The following HNF4G variants were observed in gnomAD, a reference collection of about 807,000 sequenced individuals.
HNF4G encodes hepatocyte nuclear factor 4 gamma, also known as hepatocyte nuclear factor 4-gamma.
In HNF4G, 21 loss-of-function variants were observed where a neutral mutation model predicts 50.9. The ratio of observed to expected loss-of-function variants is 0.41; its 90% CI spans 0.29 to 0.59. The LOEUF (loss-of-function observed/expected upper bound fraction) is 0.59. Ranked by LOEUF, HNF4G falls within the 20% of genes least tolerant of loss-of-function variation. The probability of loss-of-function intolerance (pLI) is 0.26; values close to 1 mark genes in which losing one functional copy is unlikely to be tolerated. For synonymous variants in HNF4G, 198 were observed against 185.6 expected, an observed-to-expected ratio of 1.07 and a Z score of -0.54; for missense variants, 527 against 559.4, an observed-to-expected ratio of 0.94 and a Z score of 0.58.
chr8:75,451,396 C>CA (rs548627344), intron 1 of HNF4G, among the ~76,000 whole-genome samples: 344 of 146,336 alleles, frequency 2.4e-3, no homozygotes, highest in Middle Eastern at 7.1e-3. Context: ...TAGCCATATC[C>CA]AAAAAAAAAA....
intron 1 of HNF4G, among the ~76,000 whole-genome samples, chr8:75,411,946 C>A (rs1388069517): frequency 1.3e-5 from 2 of 152,064 alleles, no homozygotes; most frequent in African/African-American, 2.4e-5. Context: ...ACATTGAGTA[C>A]CAGGTATGTG....
chr8:75,465,028 C>G (rs1245629120), intron 1 of HNF4G, among the ~76,000 whole-genome samples: 1 of 152,132 alleles, frequency 6.6e-6, no homozygotes, highest in Non-Finnish European at 1.5e-5. Context: ...CCTACATTTC[C>G]TAAGGCATCC....
intron 2 of HNF4G, among the ~76,000 whole-genome samples, chr8:75,520,625 A>G (rs1174761601): frequency 6.6e-6 from 1 of 151,832 alleles, no homozygotes; most frequent in African/African-American, 2.4e-5. Context: ...TTTTGTAGAG[A>G]CAGGGTTTTG....
intron 2 of HNF4G, among the ~76,000 whole-genome samples, chr8:75,515,170 T>G (rs866376433): frequency 6.6e-6 from 1 of 152,348 alleles, no homozygotes; most frequent in East Asian, 1.9e-4. Flanking sequence ...TAACACCTGA[T>G]TGATATTCTC....
At chr8:75,542,285 A>G (rs1806644171) in intron 1 of HNF4G, among the ~76,000 whole-genome samples, 1 of 149,702 alleles carries the variant, frequency 6.7e-6, no homozygotes, top group African/African-American at 2.5e-5. Flanking sequence ...AGCCTGGGTG[A>G]CAAAGCAAGT....
chr8:75,556,453 A>G (rs1366375955), intron 6 of HNF4G, among the ~76,000 whole-genome samples: 2 of 152,168 alleles, frequency 1.3e-5, no homozygotes, highest in Non-Finnish European at 2.9e-5. Flanking sequence ...TTAAAAAAAC[A>G]TGTTTACGTC....
chr8:75,466,005 A>G (rs948764816), intron 1 of HNF4G, among the ~76,000 whole-genome samples: 3 of 152,180 alleles, frequency 2.0e-5, no homozygotes, highest in Admixed American at 1.3e-4. Flanking sequence ...GTAAATATGT[A>G]TGAAAATTAG....
intron 1 of HNF4G, among the ~76,000 whole-genome samples, chr8:75,458,493 C>A (rs1296885128): frequency 6.7e-6 from 1 of 150,142 alleles, no homozygotes; most frequent in East Asian, 2.0e-4. Flanking sequence ...ATACAGGGGT[C>A]AAATTTTCAT....
intron 1 of HNF4G, among the ~76,000 whole-genome samples, chr8:75,427,147 C>A (rs913847368): frequency 6.6e-6 from 1 of 152,134 alleles, no homozygotes; most frequent in African/African-American, 2.4e-5. Context: ...TGGTTATTTG[C>A]AGGTATTCTT....
At chr8:75,428,035 A>G (rs544760636) in intron 1 of HNF4G, among the ~76,000 whole-genome samples, 1 of 152,320 alleles carries the variant, frequency 6.6e-6, no homozygotes, top group South Asian at 2.1e-4. Flanking sequence ...TGCATAAAAC[A>G]TTGCTTTATA....
intron 6 of HNF4G, 82 bp downstream of exon 6, chr8:75,556,151 C>T (rs540261504): frequency 3.2e-6 from 2 of 619,080 alleles, no homozygotes; most frequent in South Asian, 3.5e-5. Context: ...TCTGTATGTA[C>T]CAAGTATTTA....
At chr8:75,482,264 C>T (rs1016142030) in intron 1 of HNF4G, among the ~76,000 whole-genome samples, 1 of 152,096 alleles carries the variant, frequency 6.6e-6, no homozygotes, top group African/African-American at 2.4e-5. Flanking sequence ...TTAAAAATCT[C>T]ATCTGGAAAT....
chr8:75,500,238 G>A (rs1439022079), intron 2 of HNF4G, among the ~76,000 whole-genome samples: 1 of 152,030 alleles, frequency 6.6e-6, no homozygotes, highest in Non-Finnish European at 1.5e-5. Flanking sequence ...CTTTAAAGAC[G>A]ATATATAAAC....
At chr8:75,527,493 A>G (rs1177036238) in intron 2 of HNF4G, among the ~76,000 whole-genome samples, 1 of 152,196 alleles carries the variant, frequency 6.6e-6, no homozygotes, top group Non-Finnish European at 1.5e-5. Context: ...AAAAATGATT[A>G]CCATGGATAA....
At position 75,456,263 on chromosome 8, in the gene HNF4G, G is replaced by T. The variant is rs569264308; in HGVS notation, c.-143-33826G>T. 1.1e-3 allele frequency among the ~76,000 whole-genome samples: 170 copies of T among 152,054 alleles called. 4 individuals carry two copies. Among genetic ancestry groups the T allele is most frequent in the Non-Finnish European group, 4.7e-4 (32 of 68,000 alleles). ...ATGAAGAAACAAACAGAAAAGAAGA[G>T]AATGAATCTCAAATTCATTGAGTAC... On this transcript the variant is annotated intron_variant, in intron 1 of 10. Transcript: ENST00000354370.
Position 75,564,078 on chromosome 8 carries a change from C to T in HNF4G, c.1350C>T (p.Ser450=), listed in dbSNP as rs188511496. The T allele has an allele frequency of 8.1e-6, 13 of 1,613,368 alleles. No individual in the cohort carries two copies. In the African/African-American group the frequency reaches 1.2e-4, roughly 15 times the overall value. ...CAGTCATTTCACACCAGCATCTCTC[C>T]AAACAAAAGCAATTGTGAAAATGTG... ...QASVISHQHL[S]KQKQL The change falls in exon 10 of 10, where the codon TCC becomes TCT. Residue 450 remains serine, a synonymous_variant. Coordinates refer to ENST00000396423, the MANE Select transcript of HNF4G (RefSeq NM_004133.5).
chr8:75,431,027 C>A (rs1462908149), intron 1 of HNF4G, among the ~76,000 whole-genome samples: 1 of 151,550 alleles, frequency 6.6e-6, no homozygotes, highest in Admixed American at 6.6e-5. Context: ...AAAAAAGAAC[C>A]AAAGAGCATT....
chr8:75,488,802 G>A (rs1812552906), intron 1 of HNF4G, among the ~76,000 whole-genome samples: 1 of 152,094 alleles, frequency 6.6e-6, no homozygotes, highest in South Asian at 2.1e-4. Flanking sequence ...ATGAATATAA[G>A]GAGTGTGATG....
chr8:75,465,762 A>T (rs2130617783), intron 1 of HNF4G, among the ~76,000 whole-genome samples: 1 of 152,298 alleles, frequency 6.6e-6, no homozygotes, highest in East Asian at 1.9e-4. Flanking sequence ...CAGAGGGGAA[A>T]AAAGAAAAAC....
Sources: allele counts gnomAD v4.1 joint callset (sites outside exome capture counted in the v4.1 genomes callset), GRCh38; gene constraint gnomAD v4.1.1; transcripts MANE v1.5; gene names NCBI Gene and HGNC (gene_info 2026-07-23, HGNC 2026-07-21).